The following CCDC192 variants were observed in gnomAD, a reference collection of about 807,000 sequenced individuals.
The protein encoded by CCDC192 is coiled-coil domain-containing protein 192.
chr5:127,727,331 G>T (rs1018868333), intron 2 of CCDC192, among the ~76,000 whole-genome samples: 7 of 152,134 alleles, frequency 4.6e-5, no homozygotes, highest in Admixed American at 2.6e-4. Flanking sequence ...GATTAGCCGG[G>T]CATGGTGGCG....
chr5:127,746,584 G>A (rs994357138), intron 2 of CCDC192, among the ~76,000 whole-genome samples: 3 of 150,132 alleles, frequency 2.0e-5, no homozygotes, highest in Non-Finnish European at 3.0e-5. Context: ...ATCTCTAAGT[G>A]TAAATACACA....
intron 2 of CCDC192, among the ~76,000 whole-genome samples, chr5:127,736,722 T>A (rs1389137726): frequency 1.3e-5 from 2 of 151,306 alleles, no homozygotes; most frequent in South Asian, 2.1e-4. Context: ...TGCATAGAGG[T>A]GTTTGTAGTA....
intron 5 of CCDC192, among the ~76,000 whole-genome samples, chr5:127,833,609 G>A (rs184624401): frequency 6.6e-6 from 1 of 152,248 alleles, no homozygotes; most frequent in Admixed American, 6.5e-5. Flanking sequence ...AAGCAAAGCT[G>A]TATTTCTGTT....
At chr5:127,855,004 CT>C (rs1474502234) in intron 5 of CCDC192, among the ~76,000 whole-genome samples, 4 of 152,082 alleles carry the variant, frequency 2.6e-5, no homozygotes, top group Admixed American at 6.5e-5. Context: ...TAATTTGTTG[CT>C]AAAAAATGTT....
intron 3 of CCDC192, among the ~76,000 whole-genome samples, chr5:127,779,307 T>C (rs928620012): frequency 1.4e-4 from 21 of 152,194 alleles, no homozygotes; most frequent in African/African-American, 5.1e-4. Context: ...TGTAAAAATT[T>C]TTTTTTGAGA....
chr5:127,917,058 G>C (rs559605564), intron 6 of CCDC192, among the ~76,000 whole-genome samples: 1 of 152,306 alleles, frequency 6.6e-6, no homozygotes, highest in Admixed American at 6.5e-5. Flanking sequence ...TGGATAACTT[G>C]CTGCAGCTCC....
chr5:127,848,325 A>G lies in CCDC192; in HGVS notation c.412-27213A>G, dbSNP rs17211669. ...ACACAGAGGGATTTAGCCATTGCCCAACTTGAGAGTGAACTTGGAACTTCC... is the reference window on the plus strand; with the variant it reads ...ACACAGAGGGATTTAGCCATTGCCCGACTTGAGAGTGAACTTGGAACTTCC... On this transcript the variant is annotated intron_variant, in intron 5 of 6. Coordinates refer to ENST00000514853, the MANE Select transcript of CCDC192 (RefSeq NM_001317938.2). Among the ~76,000 whole-genome samples, 1,400 of 152,288 alleles carry G rather than the reference A, an allele frequency of 9.2e-3. 9 individuals carry two copies. The highest frequency in any genetic ancestry group is 0.014 in the Non-Finnish European group (942 of 68,010).
chr5:127,723,966 G>T (rs747106026), intron 2 of CCDC192, among the ~76,000 whole-genome samples: 1 of 152,192 alleles, frequency 6.6e-6, no homozygotes, highest in Non-Finnish European at 1.5e-5. Context: ...AATCAATGTG[G>T]TGTACTATCT....
chr5:127,830,658 C>A (rs950275254), intron 5 of CCDC192, among the ~76,000 whole-genome samples: 33 of 151,536 alleles, frequency 2.2e-4, no homozygotes, highest in Non-Finnish European at 4.4e-4. Context: ...AGGGATAGGA[C>A]ATCAATATGT....
chr5:127,719,298 G>T (rs143763472), intron 2 of CCDC192, among the ~76,000 whole-genome samples: 3 of 151,408 alleles, frequency 2.0e-5, no homozygotes, highest in Non-Finnish European at 4.4e-5. Flanking sequence ...CTATTCATCC[G>T]TTGATGGACA....
chr5:127,836,086 G>T (rs1216020429), intron 5 of CCDC192, among the ~76,000 whole-genome samples: 1 of 152,150 alleles, frequency 6.6e-6, no homozygotes, highest in Non-Finnish European at 1.5e-5. Context: ...TTACTTCCAA[G>T]ATACAATAGG....
intron 3 of CCDC192, among the ~76,000 whole-genome samples, chr5:127,793,615 G>T (rs1433100773): frequency 6.6e-6 from 1 of 152,086 alleles, no homozygotes; most frequent in Non-Finnish European, 1.5e-5. Flanking sequence ...CACCACTAAA[G>T]CATTAAAGCA....
At chr5:127,828,461 T>C (rs965215819) in intron 5 of CCDC192, among the ~76,000 whole-genome samples, 16 of 152,236 alleles carry the variant, frequency 1.1e-4, no homozygotes, top group African/African-American at 3.9e-4. Flanking sequence ...TGTTTTCCTG[T>C]TCATTTAATA....
intron 5 of CCDC192, among the ~76,000 whole-genome samples, chr5:127,809,101 T>G (rs1757944067): frequency 6.6e-6 from 1 of 152,188 alleles, no homozygotes; most frequent in South Asian, 2.1e-4. Context: ...AATGTTAAAC[T>G]TTTGCTGTTC....
chr5:127,864,579 AGAATAATCTGTATGT>A (rs1751519358), intron 5 of CCDC192, among the ~76,000 whole-genome samples: 1 of 152,352 alleles, frequency 6.6e-6, no homozygotes, highest in South Asian at 2.1e-4. Context: ...ACAAAACCAA[AGAATAATCTGTATGT>A]GATGATTTGT....
At chr5:127,813,764 A>G (rs1171548896) in intron 5 of CCDC192, among the ~76,000 whole-genome samples, 2 of 152,200 alleles carry the variant, frequency 1.3e-5, no homozygotes, top group East Asian at 3.8e-4. Context: ...CAAATGGTTT[A>G]AATATGAATC....
chr5:127,765,753 G>C (rs1755185908), intron 3 of CCDC192, among the ~76,000 whole-genome samples: 2 of 152,164 alleles, frequency 1.3e-5, no homozygotes, highest in Admixed American at 1.3e-4. Flanking sequence ...CTCATCAGTG[G>C]CTGGTAATTG....
chr5:127,878,120 T>C (rs1439683255), intron 6 of CCDC192, among the ~76,000 whole-genome samples: 2 of 152,236 alleles, frequency 1.3e-5, no homozygotes, highest in Admixed American at 1.3e-4. Context: ...CTTGATTCTC[T>C]CAGGCTAGAC....
chr5:127,906,510 G>C (rs1043131948), intron 6 of CCDC192, among the ~76,000 whole-genome samples: 1 of 151,298 alleles, frequency 6.6e-6, no homozygotes, highest in Non-Finnish European at 1.5e-5. Flanking sequence ...TTGAGGCTAG[G>C]TGCAGTGGCT....
Sources: allele counts gnomAD v4.1 joint callset (sites outside exome capture counted in the v4.1 genomes callset), GRCh38; gene constraint gnomAD v4.1.1; transcripts MANE v1.5; gene names NCBI Gene and HGNC (gene_info 2026-07-23, HGNC 2026-07-21).